The following KIF6 variants were observed in gnomAD, a reference collection of about 807,000 sequenced individuals.
The protein encoded by KIF6 is kinesin family member 6, also known as kinesin-like protein KIF6.
A neutral mutation model predicts 112.7 loss-of-function variants in KIF6; 106 were observed. That is an observed-to-expected ratio of 0.94 (90% CI 0.80 to 1.11). The LOEUF (loss-of-function observed/expected upper bound fraction) is 1.11, where lower values mean the gene tolerates loss of function less well. KIF6 is among the 50% of genes least tolerant of loss of function. The pLI is 0.00. For missense variants in KIF6, 929 were observed against 964.0 expected (o/e 0.96, Z 0.48); for synonymous variants, 339 against 339.9 (o/e 1.00, Z 0.03).
intron 14 of KIF6, among the ~76,000 whole-genome samples, chr6:39,429,822 C>T (rs900506126): frequency 2.6e-5 from 4 of 151,908 alleles, no homozygotes; most frequent in Admixed American, 6.6e-5. Context: ...GCAGGAGAAT[C>T]GCTTGAACCC....
intron 13 of KIF6, among the ~76,000 whole-genome samples, chr6:39,510,334 C>T (rs1437609964): frequency 4.6e-5 from 7 of 152,052 alleles, no homozygotes; most frequent in South Asian, 2.1e-4. Context: ...CCTCATGATC[C>T]ATCTGCCTCA....
At chr6:39,506,593 C>T (rs938119274) in intron 13 of KIF6, among the ~76,000 whole-genome samples, 30 of 152,068 alleles carry the variant, frequency 2.0e-4, no homozygotes, top group African/African-American at 7.0e-4. Context: ...CTAAAACCCT[C>T]GGAATTTCCT....
rs376228608 is a variant in KIF6, at chr6:39,721,224, G to A, written c.67-413C>T. On this transcript the variant is annotated intron_variant, in intron 1 of 22. Coordinates refer to ENST00000287152, the MANE Select transcript of KIF6 (RefSeq NM_145027.6). ...CATTTACAAAATACCAGAGATAAAG[G>A]GACTAGGTTTGGAGCCATCTCAGAT... 3.3e-5 allele frequency among the ~76,000 whole-genome samples: 5 copies of A among 152,162 alleles called. No individual in the cohort carries two copies. In the East Asian group the frequency reaches 9.7e-4, roughly 29 times the overall value.
At position 39,639,625 on chromosome 6, in the gene KIF6, A is replaced by G; in HGVS notation, c.384T>C (p.Phe128=). ...GIIPRTLSYI[F]EQLQKDSSKI... ...AGTTTCATACCTTTTGTAACTGTTCAAAAATGTATGACAGTGTCCTTGGGA... is the reference window on the plus strand; with the variant it reads ...AGTTTCATACCTTTTGTAACTGTTCGAAAATGTATGACAGTGTCCTTGGGA... The change falls in exon 4 of 23, where the codon TTT becomes TTC. Residue 128 remains phenylalanine (F), a synonymous_variant. Coordinates refer to ENST00000287152, the MANE Select transcript of KIF6 (RefSeq NM_145027.6). The G allele has an allele frequency of 6.3e-7, 1 of 1,588,036 alleles. No individual in the cohort carries two copies. Among genetic ancestry groups the G allele is most frequent in the South Asian group, 1.2e-5 (1 of 86,080 alleles).
At position 39,714,749 on chromosome 6, in the gene KIF6, T is replaced by A. The variant is rs538891516; in HGVS notation, c.194A>T (p.Asp65Val). The A allele has an allele frequency of 6.2e-7, 1 of 1,612,388 alleles. No individual in the cohort carries two copies. The highest frequency in any genetic ancestry group is 1.3e-5 in the African/African-American group (1 of 75,014). ...SYKFKFQRIF[D>V]QDANQETVFE... ...AACGGTCTCTTGGTTTGCATCCTGA[T>A]CAAAAATTCTTTGAAATCTGCAATG... Residue 65 changes from aspartate (D) to valine (V), a missense_variant, in exon 3 of 23, where the codon GAT (aspartate) becomes GTT (valine). By Grantham distance (152) the Asp-to-Val change is radical. This residue lies in a region of KIF6 where 688 missense variants were observed against 662.7 expected (regional missense o/e 1.04). Coordinates refer to ENST00000287152, the MANE Select transcript of KIF6 (RefSeq NM_145027.6).
At chr6:39,372,370 T>C (rs1331114423) in intron 16 of KIF6, among the ~76,000 whole-genome samples, 3 of 152,186 alleles carry the variant, frequency 2.0e-5, no homozygotes, top group South Asian at 4.1e-4. Context: ...ACAATGCGCC[T>C]GGAGAAGAAA....
intron 13 of KIF6, among the ~76,000 whole-genome samples, chr6:39,451,778 C>A (rs551050244): frequency 6.6e-6 from 1 of 152,112 alleles, no homozygotes; most frequent in Non-Finnish European, 1.5e-5. Context: ...GTGATAAAAA[C>A]CCTAACTGAA....
intron 15 of KIF6, among the ~76,000 whole-genome samples, chr6:39,391,673 C>T (rs1767908044): frequency 6.6e-6 from 1 of 152,084 alleles, no homozygotes; most frequent in African/African-American, 2.4e-5. Context: ...TGGGCCTGCC[C>T]AGCAAAATGC....
chr6:39,365,181 T>C (rs2150269942), intron 16 of KIF6, among the ~76,000 whole-genome samples: 1 of 152,358 alleles, frequency 6.6e-6, no homozygotes, highest in African/African-American at 2.4e-5. Context: ...TGGATCACGA[T>C]TCTGTCTGTC....
At chr6:39,525,044 C>G (rs188104648) in intron 13 of KIF6, among the ~76,000 whole-genome samples, 168 of 152,322 alleles carry the variant, frequency 1.1e-3, no homozygotes, top group Admixed American at 4.1e-3. Context: ...CCATAGTTAA[C>G]TTTTCTGTTG....
At chr6:39,512,916 G>A (rs1776860873) in intron 13 of KIF6, among the ~76,000 whole-genome samples, 1 of 152,122 alleles carries the variant, frequency 6.6e-6, no homozygotes, top group Admixed American at 6.5e-5. Flanking sequence ...CATGAGCCAG[G>A]CACGTCTATA....
chr6:39,359,556 C>T (rs1047822622), intron 18 of KIF6, among the ~76,000 whole-genome samples: 8 of 151,958 alleles, frequency 5.3e-5, no homozygotes, highest in Admixed American at 4.6e-4. Context: ...AAGCCATTTG[C>T]GATACTTGAA....
intron 3 of KIF6, among the ~76,000 whole-genome samples, chr6:39,650,470 A>G (rs1785413147): frequency 6.6e-6 from 1 of 151,972 alleles, no homozygotes; most frequent in Admixed American, 6.5e-5. Context: ...CTGCATTTTT[A>G]TCTTATTTAC....
At chr6:39,688,119 A>G (rs1358413355) in intron 3 of KIF6, among the ~76,000 whole-genome samples, 2 of 152,314 alleles carry the variant, frequency 1.3e-5, no homozygotes, top group East Asian at 1.9e-4. Context: ...CAGTCTGGAG[A>G]AACTGCCAAT....
At position 39,544,654 on chromosome 6, in the gene KIF6, C is replaced by T. The variant is rs35723069; in HGVS notation, c.1327G>A (p.Val443Ile). ...TCTTGGTCTTTGCTTTCAGAGGAGA[C>T]TGTATTGTTTTCAAGGATCTTCTTG... ...NDKKILENNT[V>I]SSESKDQDCQ... Residue 443 changes from valine (V) to isoleucine (I), a missense_variant, in exon 12 of 23, where the codon GTC (valine) becomes ATC (isoleucine). This residue lies in a region of KIF6 where 688 missense variants were observed against 662.7 expected (regional missense o/e 1.04). Transcript: ENST00000287152. The T allele has an allele frequency of 5.5e-5, 89 of 1,609,436 alleles. No individual in the cohort carries two copies. The highest frequency in any genetic ancestry group is 7.2e-5 in the Non-Finnish European group (85 of 1,178,362).
At chr6:39,402,893 C>T (rs1016393871) in intron 15 of KIF6, among the ~76,000 whole-genome samples, 3 of 152,210 alleles carry the variant, frequency 2.0e-5, no homozygotes, top group Non-Finnish European at 4.4e-5. Context: ...AAGTCCTCAT[C>T]GTAGAAGCCC....
chr6:39,717,457 A>G (rs1205809812), intron 2 of KIF6, among the ~76,000 whole-genome samples: 1 of 152,098 alleles, frequency 6.6e-6, no homozygotes, highest in Non-Finnish European at 1.5e-5. Context: ...ACCTCCATCA[A>G]GTCTTTGCTC....
At chr6:39,558,880 A>G (rs1421099091) in intron 10 of KIF6, among the ~76,000 whole-genome samples, 1 of 152,200 alleles carries the variant, frequency 6.6e-6, no homozygotes, top group African/African-American at 2.4e-5. Context: ...AGACTAAAAT[A>G]ATCATTAAAA....
intron 3 of KIF6, 139 bp downstream of exon 3, chr6:39,714,553 G>A (rs112025017): frequency 0.022 from 13,544 of 625,686 alleles, 213 homozygotes; most frequent in Non-Finnish European, 0.027. Context: ...GGAACAGAAG[G>A]TATTAATGCC....
Sources: allele counts gnomAD v4.1 joint callset (sites outside exome capture counted in the v4.1 genomes callset), GRCh38; gene constraint gnomAD v4.1.1; regional missense constraint gnomAD v4.1.1; transcripts MANE v1.5; gene names NCBI Gene and HGNC (gene_info 2026-07-23, HGNC 2026-07-21).